TDRD9: variants seen among roughly 807,000 people sequenced by gnomAD.
TDRD9 encodes tudor domain containing 9.
In TDRD9, 124 loss-of-function variants were observed where a neutral mutation model predicts 172.6. The observed-to-expected ratio is 0.72, with a 90% CI of 0.62 to 0.83. TDRD9 has a LOEUF of 0.83. Among genes scored for constraint, TDRD9 ranks in the 40% least tolerant of loss-of-function variants. TDRD9 has a pLI of 0.00. For synonymous variants in TDRD9, 619 were observed against 617.1 expected (o/e 1.00, Z -0.05); for missense variants, 1,479 against 1,714.1 (o/e 0.86, Z 2.42).
chr14:103,952,729 C>CTCT (rs759236404), intron 1 of TDRD9, among the ~76,000 whole-genome samples: 6 of 72,318 alleles, frequency 8.3e-5, no homozygotes, highest in African/African-American at 3.0e-4. Context: ...AATTCTCTCT[C>CTCT]TTTTTTTTTT....
chr14:104,034,146 C>A, intron 31 of TDRD9, 77 bp downstream of exon 31: 1 of 798,352 alleles, frequency 1.3e-6, no homozygotes, highest in Non-Finnish European at 2.1e-6. Context: ...AACAACTTAT[C>A]CTATAATTGG....
chr14:104,037,227 A>G (rs2035477469), intron 32 of TDRD9, among the ~76,000 whole-genome samples: 1 of 152,042 alleles, frequency 6.6e-6, no homozygotes, highest in South Asian at 2.1e-4. Context: ...TGTGTTCCGG[A>G]GGGGAGCTGT....
chr14:103,983,352 C>T (rs866932699), intron 7 of TDRD9, among the ~76,000 whole-genome samples: 5 of 151,912 alleles, frequency 3.3e-5, no homozygotes, highest in Admixed American at 1.3e-4. Context: ...CATGAGCCAC[C>T]GTGCCCAGCC....
chr14:104,045,951 A>G (rs1383597964), intron 34 of TDRD9, among the ~76,000 whole-genome samples: 1 of 152,172 alleles, frequency 6.6e-6, no homozygotes, highest in African/African-American at 2.4e-5. Context: ...AAAATGGACT[A>G]AGACACTACT....
At chr14:103,996,355 A>G (rs139114224) in intron 12 of TDRD9, among the ~76,000 whole-genome samples, 1 of 152,322 alleles carries the variant, frequency 6.6e-6, no homozygotes, top group African/African-American at 2.4e-5. Flanking sequence ...TCCAGTCCTC[A>G]TGGCTGCTAC....
chr14:103,977,630 C>CTTT (rs766681794), intron 7 of TDRD9, among the ~76,000 whole-genome samples: 4 of 114,444 alleles, frequency 3.5e-5, no homozygotes, highest in East Asian at 2.7e-4. Flanking sequence ...TGATTTCTTT[C>CTTT]TTTTTTTTTT....
intron 1 of TDRD9, chr14:103,941,594 T>G (rs2031238623): frequency 6.5e-7 from 1 of 1,535,358 alleles, no homozygotes; most frequent in Non-Finnish European, 8.7e-7. Flanking sequence ...GGTGCCATTT[T>G]AATTCCCGAA....
intron 4 of TDRD9, among the ~76,000 whole-genome samples, chr14:103,965,872 G>A (rs1373328990): frequency 2.0e-5 from 3 of 152,062 alleles, no homozygotes; most frequent in Non-Finnish European, 2.9e-5. Context: ...TTGAACCCGG[G>A]AGGCAGAGGT....
At chr14:103,948,101 C>T (rs1047515180) in intron 1 of TDRD9, among the ~76,000 whole-genome samples, 1 of 152,106 alleles carries the variant, frequency 6.6e-6, no homozygotes, top group Non-Finnish European at 1.5e-5. Context: ...GCAGTCTCGA[C>T]CTCCTAGGCT....
At chr14:103,987,389 T>C (rs954474065) in intron 8 of TDRD9, among the ~76,000 whole-genome samples, 8 of 152,216 alleles carry the variant, frequency 5.3e-5, no homozygotes, top group Admixed American at 2.6e-4. Flanking sequence ...TGTTCATTCA[T>C]CTTCCAAATT....
intron 29 of TDRD9, among the ~76,000 whole-genome samples, chr14:104,031,703 G>T (rs1214374190): frequency 1.3e-5 from 2 of 151,934 alleles, no homozygotes; most frequent in Non-Finnish European, 2.9e-5. Context: ...AGGTCTACCT[G>T]TGCAACTGGG....
chr14:103,950,318 G>A (rs1008596447), intron 1 of TDRD9, among the ~76,000 whole-genome samples: 32 of 151,732 alleles, frequency 2.1e-4, no homozygotes, highest in African/African-American at 7.7e-4. Flanking sequence ...TTGAACTCCC[G>A]ACCTCAGGTG....
intron 32 of TDRD9, among the ~76,000 whole-genome samples, chr14:104,036,907 G>A (rs952451502): frequency 1.3e-5 from 2 of 152,188 alleles, no homozygotes; most frequent in African/African-American, 4.8e-5. Flanking sequence ...TAGCAGGGGG[G>A]CCTGGTTGAT....
In TDRD9 at chr14:103,955,671, A is replaced by G. The variant is rs2032156887; in HGVS notation, c.223A>G (p.Ser75Gly). The G allele has an allele frequency of 6.5e-7, 1 of 1,550,350 alleles. No individual in the cohort carries two copies. Among genetic ancestry groups the G allele is most frequent in the Non-Finnish European group, 8.7e-7 (1 of 1,146,424 alleles). The change falls in exon 2 of 36, where the codon AGC becomes GGC. Residue 75 changes from serine to glycine, a missense_variant. By Grantham distance (56) the Ser-to-Gly change is moderately conservative. Coordinates refer to ENST00000409874, the MANE Select transcript of TDRD9 (RefSeq NM_153046.3). ...TTTTACTATTCTTTTCAGGTCACTCAGCCAAAGGAGCTCAGAAGTAGAGTA... is the reference window on the plus strand; with the variant it reads ...TTTTACTATTCTTTTCAGGTCACTCGGCCAAAGGAGCTCAGAAGTAGAGTA... ...RPAAAFERSLSQRSSEVEYIN... is the reference protein window; with the variant it reads ...RPAAAFERSLGQRSSEVEYIN...
chr14:103,939,744 T>TTTTTTTTTTTTTTG (rs2031084579), intron 1 of TDRD9: 2 of 10,570 alleles, frequency 1.9e-4, no homozygotes, highest in Non-Finnish European at 5.4e-4. Flanking sequence ...AAAAAAAGTG[T>TTTTTTTTTTTTTTG]TTTTTTTTTT....
At chr14:103,956,101 AAAAAAAAAAAATAT>A (rs1810133465) in intron 2 of TDRD9, among the ~76,000 whole-genome samples, 4 of 54,226 alleles carry the variant, frequency 7.4e-5, no homozygotes, top group Non-Finnish European at 1.3e-4. Flanking sequence ...AAAAAAAAAA[AAAAAAAAAAAATAT>A]ATATATATAT....
At chr14:104,010,887 C>T (rs1017940968) in intron 20 of TDRD9, among the ~76,000 whole-genome samples, 1 of 152,160 alleles carries the variant, frequency 6.6e-6, no homozygotes, top group African/African-American at 2.4e-5. Flanking sequence ...TTGAGAAAAA[C>T]CTGCATATAA....
chr14:103,961,845 A>C (rs957146803), intron 2 of TDRD9, among the ~76,000 whole-genome samples: 1 of 152,108 alleles, frequency 6.6e-6, no homozygotes, highest in Non-Finnish European at 1.5e-5. Flanking sequence ...GTAGGAAAAC[A>C]AGAGAGAAGC....
At position 104,031,223 on chromosome 14, in the gene TDRD9, A is replaced by G; in HGVS notation, c.3398A>G (p.Glu1133Gly). 2 of 1,551,936 alleles carry G rather than the reference A, an allele frequency of 1.3e-6. No homozygotes were observed. Among genetic ancestry groups the G allele is most frequent in the Non-Finnish European group, 8.7e-7 (1 of 1,147,006 alleles). Residue 1133 changes from glutamate to glycine, a missense_variant, in exon 29 of 36, where the codon GAG (glutamate) becomes GGG (glycine). Around this residue, in one of 3 missense-constraint regions of TDRD9, gnomAD observed 1,413 missense variants for 1,649.1 expected, o/e 0.86. Coordinates refer to ENST00000409874, the MANE Select transcript of TDRD9 (RefSeq NM_153046.3). ...DEKYLIRILL[E>G]SFSTNKLGTP... Reference sequence around the variant, plus strand: ...AAATATCTCATCCGGATTTTGTTAGAGAGCTTTTCTACCAATAAACTGGGT... The same window carrying G: ...AAATATCTCATCCGGATTTTGTTAGGGAGCTTTTCTACCAATAAACTGGGT...
Sources: gnomAD v4.1 joint callset for allele counts (sites outside exome capture counted in the v4.1 genomes callset) on GRCh38, gnomAD v4.1.1 for gene constraint, gnomAD v4.1.1 regional missense constraint, MANE v1.5 for transcripts, NCBI Gene and HGNC (gene_info 2026-07-23, HGNC 2026-07-21) for gene names.